Variants in EPHA6 observed in about 807,000 individuals in gnomAD.
EPHA6 encodes the protein ephrin type-A receptor 6.
In EPHA6, 50 loss-of-function variants were observed where a neutral mutation model predicts 112.0. That is an observed-to-expected ratio of 0.45 (90% CI 0.36 to 0.56). The LOEUF (loss-of-function observed/expected upper bound fraction) is 0.56. Among genes scored for constraint, EPHA6 ranks in the 20% least tolerant of loss-of-function variants. EPHA6 has a pLI of 0.00. For synonymous variants in EPHA6, 529 were observed against 490.7 expected (o/e 1.08, Z -1.03); for missense variants, 1,280 against 1,417.4 (o/e 0.90, Z 1.56).
At position 96,814,606 on chromosome 3, in the gene EPHA6, A is replaced by C; in HGVS notation, c.-18A>C. 1 of 1,381,260 alleles carries C rather than the reference A, an allele frequency of 7.2e-7. No homozygotes were observed. The highest frequency in any genetic ancestry group is 9.4e-7 in the Non-Finnish European group (1 of 1,064,266). 85.6% of individuals were successfully genotyped at this position (1,381,260 alleles called of 1,614,324 possible). A position where few individuals can be genotyped will look rare whatever the true frequency, so the allele number is the denominator to read the frequency against. ...GGCCCAAGTGAATAGTCCTCGCGCA[A>C]GCGGGACACTGTGGTGGATGCAATT... On this transcript the variant is annotated 5_prime_UTR_variant, in exon 1 of 18. Transcript: ENST00000389672.
At chr3:97,116,257 T>A (rs1340801480) in intron 3 of EPHA6, among the ~76,000 whole-genome samples, 1 of 151,778 alleles carries the variant, frequency 6.6e-6, no homozygotes. Flanking sequence ...ATATTTTTAA[T>A]GGTATACAAT....
intron 1 of EPHA6, among the ~76,000 whole-genome samples, chr3:96,816,348 A>G (rs2032779984): frequency 6.6e-6 from 1 of 152,138 alleles, no homozygotes; most frequent in South Asian, 2.1e-4. Flanking sequence ...AGATCACATA[A>G]TAGATATCAG....
chr3:96,924,565 G>C (rs971609800), intron 2 of EPHA6, among the ~76,000 whole-genome samples: 1 of 152,110 alleles, frequency 6.6e-6, no homozygotes, highest in Non-Finnish European at 1.5e-5. Context: ...GGATTTTCTG[G>C]ATAAGGGATC....
intron 14 of EPHA6, among the ~76,000 whole-genome samples, chr3:97,685,849 G>A (rs1474306403): frequency 1.3e-5 from 2 of 152,118 alleles, no homozygotes; most frequent in African/African-American, 4.8e-5. Context: ...CAAGTAACTA[G>A]CCAAAGATTA....
At chr3:97,609,058 T>G (rs1388867490) in intron 12 of EPHA6, among the ~76,000 whole-genome samples, 1 of 151,382 alleles carries the variant, frequency 6.6e-6, no homozygotes, top group Non-Finnish European at 1.5e-5. Flanking sequence ...GTAAGACTGG[T>G]ATTCTTAAGG....
chr3:96,845,593 G>A (rs1238896925), intron 1 of EPHA6, among the ~76,000 whole-genome samples: 1 of 151,956 alleles, frequency 6.6e-6, no homozygotes, highest in Non-Finnish European at 1.5e-5. Flanking sequence ...ACCCATCAAT[G>A]AATTTAAATG....
chr3:97,332,645 T>C (rs1423431359), intron 5 of EPHA6, among the ~76,000 whole-genome samples: 1 of 152,152 alleles, frequency 6.6e-6, no homozygotes, highest in East Asian at 1.9e-4. Flanking sequence ...GAATTGATAT[T>C]AGGTTTGAGT....
chr3:97,600,110 T>C (rs2093631055), intron 12 of EPHA6, among the ~76,000 whole-genome samples: 2 of 150,426 alleles, frequency 1.3e-5, no homozygotes, highest in Non-Finnish European at 3.0e-5. Flanking sequence ...TTTTGTACAT[T>C]GATTTTGTAT....
intron 13 of EPHA6, among the ~76,000 whole-genome samples, chr3:97,625,150 C>A (rs1425832147): frequency 6.6e-6 from 1 of 151,458 alleles, no homozygotes; most frequent in Non-Finnish European, 1.5e-5. Context: ...GTTTGGAGAT[C>A]TTCCTCTTTC....
chr3:97,396,066 G>A (rs74862245), intron 5 of EPHA6, among the ~76,000 whole-genome samples: 1,777 of 151,678 alleles, frequency 0.012, 36 homozygotes, highest in African/African-American at 0.04. Flanking sequence ...AGCAAAAAAT[G>A]GATAAGAAGC....
At chr3:97,659,278 G>C (rs1435140898) in intron 14 of EPHA6, among the ~76,000 whole-genome samples, 1 of 151,934 alleles carries the variant, frequency 6.6e-6, no homozygotes, top group Non-Finnish European at 1.5e-5. Flanking sequence ...TTTGTGTTTA[G>C]AACAAATCAG....
At chr3:97,432,813 C>A (rs1023041835) in intron 6 of EPHA6, among the ~76,000 whole-genome samples, 1 of 152,086 alleles carries the variant, frequency 6.6e-6, no homozygotes, top group East Asian at 1.9e-4. Context: ...CACCATATGT[C>A]GTGAGAACTC....
intron 2 of EPHA6, among the ~76,000 whole-genome samples, chr3:96,883,949 A>C (rs953507384): frequency 2.0e-5 from 3 of 152,124 alleles, no homozygotes; most frequent in African/African-American, 7.2e-5. Flanking sequence ...CTAGGATTAC[A>C]GGCCCAGTAC....
At chr3:97,636,366 T>C (rs1290323201) in intron 13 of EPHA6, among the ~76,000 whole-genome samples, 1 of 152,118 alleles carries the variant, frequency 6.6e-6, no homozygotes, top group Admixed American at 6.5e-5. Flanking sequence ...GCAGATTTCA[T>C]CTAATAGTGT....
chr3:97,016,700 C>T lies in EPHA6; in HGVS notation c.1114+28707C>T, dbSNP rs1056293156. Among the ~76,000 whole-genome samples the T allele has an allele frequency of 4.6e-5, 7 of 152,178 alleles. No homozygotes were observed. In the East Asian group the frequency reaches 1.3e-3, roughly 29 times the overall value. The stretch of plus-strand genomic sequence containing the variant: ...TCATTCCCAAATTTTTCCTTACGCA[C>T]CTATGTAATTCCTCTCTCCTTTCCC... On this transcript the variant is annotated intron_variant, in intron 3 of 17. Transcript: ENST00000389672.
rs201122919 is a variant in EPHA6, at chr3:97,419,306, AAAAC to A, written c.1731+14056_1731+14059del. 0.011 allele frequency among the ~76,000 whole-genome samples: 1,632 copies of A among 151,452 alleles called. 84 individuals are homozygous for A. In the East Asian group the frequency reaches 0.18, roughly 17 times the overall value. On this transcript the variant is annotated intron_variant, in intron 6 of 17. Transcript: ENST00000389672. Reference sequence around the variant, plus strand: ...CAACAAGAGCAAAACTCCATCACAAAAAACAAACAAACAAACAAACAAACAAAAC... The same window carrying A: ...CAACAAGAGCAAAACTCCATCACAAAAAACAAACAAACAAACAAACAAAAC...
At chr3:97,523,727 G>A (rs1033709513) in intron 10 of EPHA6, among the ~76,000 whole-genome samples, 2 of 151,728 alleles carry the variant, frequency 1.3e-5, no homozygotes, top group African/African-American at 4.8e-5. Flanking sequence ...GTATCTAGGT[G>A]CTCCAATGTT....
At chr3:97,039,164 G>T (rs898078209) in intron 3 of EPHA6, among the ~76,000 whole-genome samples, 1 of 151,996 alleles carries the variant, frequency 6.6e-6, no homozygotes, top group Admixed American at 6.6e-5. Context: ...GTTAGGGAGG[G>T]CAGGAAAACA....
At chr3:97,143,819 G>C (rs1420775750) in intron 3 of EPHA6, among the ~76,000 whole-genome samples, 4 of 151,600 alleles carry the variant, frequency 2.6e-5, no homozygotes, top group Non-Finnish European at 4.4e-5. Flanking sequence ...AGAGATAATG[G>C]TCTTTTAGGA....
Sources: allele counts gnomAD v4.1 joint callset (sites outside exome capture counted in the v4.1 genomes callset), GRCh38; gene constraint gnomAD v4.1.1; transcripts MANE v1.5; gene names NCBI Gene and HGNC (gene_info 2026-07-23, HGNC 2026-07-21).